CCDC81: variants seen among roughly 807,000 people sequenced by gnomAD.
CCDC81 encodes the protein coiled-coil domain containing 81.
Under a neutral mutation model 83.7 loss-of-function variants are expected in CCDC81, and 79 were observed. That is an observed-to-expected ratio of 0.94 (90% CI 0.79 to 1.14). The LOEUF is 1.14. Among genes scored for constraint, CCDC81 ranks in the 50% most tolerant of loss-of-function variants. The pLI is 0.00. For synonymous variants in CCDC81, 252 were observed against 278.1 expected (o/e 0.91, Z 0.93); for missense variants, 791 against 778.1 (o/e 1.02, Z -0.20).
At position 86,422,864 on chromosome 11, in the gene CCDC81, T is replaced by G; in HGVS notation, c.*149T>G. On this transcript the variant is annotated 3_prime_UTR_variant, in exon 15 of 15. Coordinates refer to ENST00000445632, the MANE Select transcript of CCDC81 (RefSeq NM_001156474.2). The stretch of plus-strand genomic sequence containing the variant: ...ATTAGATTGCTTGTTAAGCCCTTAT[T>G]GAATTCACTCCTGCTTTCCTCCCAC... 1 of 750,018 alleles carries G rather than the reference T, an allele frequency of 1.3e-6. No individual in the cohort carries two copies. Among genetic ancestry groups the G allele is most frequent in the Non-Finnish European group, 2.1e-6 (1 of 470,434 alleles). The allele number at this position is 750,018 out of a possible 1,614,324, so 46.5% of individuals were successfully genotyped here. A position where few individuals can be genotyped will look rare whatever the true frequency, so the allele number is the denominator to read the frequency against.
At chr11:86,418,565 C>G (rs768653654) in intron 13 of CCDC81, among the ~76,000 whole-genome samples, 7 of 152,118 alleles carry the variant, frequency 4.6e-5, no homozygotes, top group Non-Finnish European at 7.4e-5. Context: ...CTAACACATG[C>G]TACACTGTGG....
intron 13 of CCDC81, chr11:86,419,389 C>T (rs948424543): frequency 6.6e-6 from 1 of 152,246 alleles, no homozygotes; most frequent in Non-Finnish European, 1.5e-5. Flanking sequence ...ATGGCCTTCA[C>T]CAAACATTCC....
intron 13 of CCDC81, among the ~76,000 whole-genome samples, chr11:86,417,741 T>C (rs1242176878): frequency 1.3e-5 from 2 of 151,924 alleles, no homozygotes; most frequent in African/African-American, 4.8e-5. Flanking sequence ...GTACATCTAA[T>C]TTTCCTTTTT....
chr11:86,399,392 T>G (rs982382509), intron 6 of CCDC81, among the ~76,000 whole-genome samples: 1 of 152,196 alleles, frequency 6.6e-6, no homozygotes, highest in African/African-American at 2.4e-5. Context: ...CTTGGCTCAC[T>G]GCAGCCTCAA....
intron 1 of CCDC81, among the ~76,000 whole-genome samples, chr11:86,380,688 A>G (rs1031907771): frequency 2.0e-5 from 3 of 151,508 alleles, no homozygotes; most frequent in African/African-American, 7.3e-5. Context: ...AAGCTCAGAG[A>G]TTTTTTACTA....
intron 1 of CCDC81, among the ~76,000 whole-genome samples, chr11:86,380,200 A>G (rs10898473): frequency 0.17 from 26,123 of 152,088 alleles, 2,784 homozygotes; most frequent in East Asian, 0.47. Flanking sequence ...TTTGCTTTTG[A>G]AAAATAATTT....
Position 86,392,630 on chromosome 11 carries a change from A to C in CCDC81, c.388A>C (p.Thr130Pro). 1.9e-6 allele frequency: 3 copies of C among 1,551,574 alleles called. No individual in the cohort carries two copies. The highest frequency in any genetic ancestry group is 2.6e-6 in the Non-Finnish European group (3 of 1,146,942). Reference sequence around the variant, plus strand: ...TGTAGTGGAAGGATGTGTGAAGGAGACGTTGCTTTTTTTATCGCGTTCCAT... The same window carrying C: ...TGTAGTGGAAGGATGTGTGAAGGAGCCGTTGCTTTTTTTATCGCGTTCCAT... ...RDVVEGCVKE[T>P]LLFLSRSISM... The change falls in exon 4 of 15, where the codon ACG becomes CCG. Residue 130 changes from threonine to proline, a missense_variant. Coordinates refer to ENST00000445632, the MANE Select transcript of CCDC81 (RefSeq NM_001156474.2).
chr11:86,405,535 C>T (rs929103853), intron 7 of CCDC81, among the ~76,000 whole-genome samples: 1 of 151,844 alleles, frequency 6.6e-6, no homozygotes, highest in African/African-American at 2.4e-5. Context: ...TCATTATTAC[C>T]CCTTTTCTGT....
chr11:86,422,750 G>A lies in CCDC81; in HGVS notation c.*35G>A. The A allele has an allele frequency of 2.5e-6, 4 of 1,597,704 alleles. No individual in the cohort carries two copies. The highest frequency in any genetic ancestry group is 3.4e-6 in the Non-Finnish European group (4 of 1,169,478). On this transcript the variant is annotated 3_prime_UTR_variant, in exon 15 of 15. Transcript: ENST00000445632. ...TTTGGCTCTTCGTTTCCCGGGGAAA[G>A]TTTTTATCTTTTACATGTTTGGGGG...
chr11:86,411,337 A>C (rs1267048346), intron 10 of CCDC81, among the ~76,000 whole-genome samples: 2 of 152,174 alleles, frequency 1.3e-5, no homozygotes, highest in African/African-American at 4.8e-5. Flanking sequence ...TTTACAGTGA[A>C]GGTGATTCAT....
intron 4 of CCDC81, among the ~76,000 whole-genome samples, chr11:86,393,125 C>T (rs906524869): frequency 6.6e-5 from 10 of 152,162 alleles, no homozygotes; most frequent in African/African-American, 1.2e-4. Context: ...TGCAGTGGCA[C>T]GATGTTGGCT....
In CCDC81 at chr11:86,399,269, C is replaced by T. The variant is rs547362711; in HGVS notation, c.758-1409C>T. On this transcript the variant is annotated intron_variant, in intron 6 of 14. Transcript: ENST00000445632. ...TCATATGCTTTTATTTCTCTAGTCTCATCTCCCACTGTGCCCTATAGAGAC... is the reference window on the plus strand; with the variant it reads ...TCATATGCTTTTATTTCTCTAGTCTTATCTCCCACTGTGCCCTATAGAGAC... Among the ~76,000 whole-genome samples, 24 of 152,304 alleles carry T rather than the reference C, an allele frequency of 1.6e-4. No individual in the cohort carries two copies. In the South Asian group the frequency reaches 4.1e-3, roughly 26 times the overall value.
At chr11:86,415,415 C>A in intron 13 of CCDC81, 102 bp downstream of exon 13, 1 of 865,702 alleles carries the variant, frequency 1.2e-6, no homozygotes. Flanking sequence ...CTTTCTCATA[C>A]AATAGTGGAG....
rs749550876 is a variant in CCDC81 at position 86,382,289 on chromosome 11, TG to T, written c.80-3760del. Among the ~76,000 whole-genome samples, 10 of 152,014 alleles carry T rather than the reference TG, an allele frequency of 6.6e-5. No individual in the cohort carries two copies. In the East Asian group the frequency reaches 1.5e-3, roughly 23 times the overall value. The stretch of plus-strand genomic sequence containing the variant: ...TAGCAATAGTCTTGGTGAGAACAAA[TG>T]GTAGCTTGGTCTAAAACTGGTAATA... On this transcript the variant is annotated intron_variant, in intron 1 of 14. Coordinates refer to ENST00000445632, the MANE Select transcript of CCDC81 (RefSeq NM_001156474.2).
intron 6 of CCDC81, among the ~76,000 whole-genome samples, chr11:86,399,919 T>A (rs1948461123): frequency 1.3e-5 from 2 of 151,530 alleles, no homozygotes; most frequent in African/African-American, 4.8e-5. Flanking sequence ...GGTCAGGAGT[T>A]CGAAGCCAGC....
chr11:86,415,209 G>T lies in CCDC81; in HGVS notation c.1587G>T (p.Met529Ile). 6.2e-7 allele frequency: 1 copy of T among 1,614,152 alleles called. No individual in the cohort carries two copies. Among genetic ancestry groups the T allele is most frequent in the Non-Finnish European group, 8.5e-7 (1 of 1,180,030 alleles). The change falls in exon 13 of 15, where the codon ATG becomes ATT. Residue 529 changes from methionine (M) to isoleucine (I), a missense_variant. Coordinates refer to ENST00000445632, the MANE Select transcript of CCDC81 (RefSeq NM_001156474.2). ...AGCAAAAGCGAGAACAAAATTACAT[G>T]AAACACCAGCTGGAGGCAGCTGCTA... is the stretch of plus-strand genomic sequence containing the variant. ...VEKQKREQNY[M>I]KHQLEAAANH...
intron 3 of CCDC81, among the ~76,000 whole-genome samples, chr11:86,388,174 C>T (rs1948272054): frequency 6.7e-6 from 1 of 149,102 alleles, no homozygotes; most frequent in South Asian, 2.2e-4. Flanking sequence ...TAAAGCCAAC[C>T]TCCCTCCCTC....
rs1054562280 is a variant in CCDC81, at chr11:86,397,659, A to C, written c.674A>C (p.Glu225Ala). 1 of 1,613,662 alleles carries C rather than the reference A, an allele frequency of 6.2e-7. No individual in the cohort carries two copies. The highest frequency in any genetic ancestry group is 8.5e-7 in the Non-Finnish European group (1 of 1,179,798). Reference protein sequence around the residue: ...LKEMENKLPMETLVEECGENR... With the variant: ...LKEMENKLPMATLVEECGENR... ...GAGATGGAAAACAAACTGCCTATGG[A>C]GACCCTTGTAGAAGAATGTGGAGAG... is the stretch of plus-strand genomic sequence containing the variant. The change falls in exon 6 of 15, where the codon GAG (glutamate) becomes GCG (alanine). Residue 225 changes from glutamate (E) to alanine (A), a missense_variant. By Grantham distance (107) the Glu-to-Ala change is moderately radical. Coordinates refer to ENST00000445632, the MANE Select transcript of CCDC81 (RefSeq NM_001156474.2).
intron 1 of CCDC81, 41 bp from the exon 2 acceptor site, chr11:86,386,010 G>C (rs199553106): frequency 2.1e-5 from 20 of 948,232 alleles, no homozygotes; most frequent in Middle Eastern, 2.2e-4. Flanking sequence ...ACATGGGTGC[G>C]CATATAAATT....
Sources: allele counts gnomAD v4.1 joint callset (sites outside exome capture counted in the v4.1 genomes callset), GRCh38; gene constraint gnomAD v4.1.1; transcripts MANE v1.5; gene names NCBI Gene and HGNC (gene_info 2026-07-23, HGNC 2026-07-21).